GABBR2: variants seen among roughly 807,000 people sequenced by gnomAD.
GABBR2 encodes the protein G-protein coupled receptor 51.
Under a neutral mutation model 105.6 loss-of-function variants are expected in GABBR2, and 23 were observed. The ratio of observed to expected loss-of-function variants is 0.22; its 90% CI spans 0.16 to 0.31. The LOEUF is 0.31. Among genes scored for constraint, GABBR2 ranks in the 10% least tolerant of loss-of-function variants. GABBR2 has a pLI of 1.00. For synonymous variants in GABBR2, 478 were observed against 499.7 expected (o/e 0.96, Z 0.58); for missense variants, 734 against 1,245.5 (o/e 0.59, Z 6.18).
At chr9:98,598,114 C>A (rs1441266376) in intron 1 of GABBR2, among the ~76,000 whole-genome samples, 1 of 152,170 alleles carries the variant, frequency 6.6e-6, no homozygotes, top group South Asian at 2.1e-4. Context: ...TGAGCCACTG[C>A]GCCCAGCCTA....
At chr9:98,361,031 C>T (rs1831572954) in intron 13 of GABBR2, among the ~76,000 whole-genome samples, 1 of 152,206 alleles carries the variant, frequency 6.6e-6, no homozygotes, top group Admixed American at 6.5e-5. Flanking sequence ...CCTGGGCCCT[C>T]AGTCTGCCCA....
intron 2 of GABBR2, among the ~76,000 whole-genome samples, chr9:98,569,902 C>T (rs1221003891): frequency 6.6e-6 from 1 of 152,208 alleles, no homozygotes; most frequent in Non-Finnish European, 1.5e-5. Context: ...CATGTCAGAT[C>T]ACAAAATTTC....
chr9:98,294,977 C>T lies in GABBR2; in HGVS notation c.2543-1075G>A, dbSNP rs1001873285. Among the ~76,000 whole-genome samples the T allele has an allele frequency of 6.0e-4, 92 of 152,274 alleles. 1 individual carries two copies. The highest frequency in any genetic ancestry group is 2.0e-3 in the African/African-American group (83 of 41,546). On this transcript the variant is annotated intron_variant, in intron 17 of 18. Transcript: ENST00000259455. ...TAAAGAAATATAAAAATCAGGTTCC[C>T]ACCCGAGATTTGGATTCATGTGGTC...
chr9:98,449,832 C>T (rs1826201906), intron 7 of GABBR2, among the ~76,000 whole-genome samples: 1 of 152,132 alleles, frequency 6.6e-6, no homozygotes, highest in Non-Finnish European at 1.5e-5. Flanking sequence ...GAGGGCCAAT[C>T]CCAGGGCTGA....
chr9:98,343,870 A>G (rs1047886852), intron 13 of GABBR2, among the ~76,000 whole-genome samples: 3 of 151,908 alleles, frequency 2.0e-5, no homozygotes, highest in African/African-American at 4.8e-5. Flanking sequence ...TAAAAAAAAG[A>G]AAAAAAGAAA....
At chr9:98,611,237 T>C (rs1829501322) in intron 1 of GABBR2, among the ~76,000 whole-genome samples, 1 of 152,190 alleles carries the variant, frequency 6.6e-6, no homozygotes, top group Admixed American at 6.5e-5. Context: ...AGGCCCTCTG[T>C]GGCATGGCCG....
chr9:98,339,419 C>T (rs1261953947), intron 13 of GABBR2, among the ~76,000 whole-genome samples: 1 of 152,110 alleles, frequency 6.6e-6, no homozygotes, highest in Non-Finnish European at 1.5e-5. Context: ...CCACCACAAA[C>T]AACTCAGTGA....
intron 12 of GABBR2, among the ~76,000 whole-genome samples, chr9:98,367,724 G>A (rs559675708): frequency 5.9e-4 from 90 of 152,176 alleles, no homozygotes; most frequent in African/African-American, 1.2e-3. Context: ...GCCGGTTTGC[G>A]GTGCTGTGGT....
intron 11 of GABBR2, among the ~76,000 whole-genome samples, chr9:98,376,341 C>T (rs1226174068): frequency 6.6e-6 from 1 of 152,220 alleles, no homozygotes; most frequent in Non-Finnish European, 1.5e-5. Flanking sequence ...GACTGCTGTG[C>T]TCCGGGTCTC....
intron 13 of GABBR2, among the ~76,000 whole-genome samples, chr9:98,312,848 C>G (rs890998801): frequency 2.0e-4 from 31 of 152,138 alleles, no homozygotes; most frequent in African/African-American, 6.3e-4. Context: ...CTCCTGAGTT[C>G]AAGCAATTCT....
Position 98,394,255 on chromosome 9 carries a change from T to C in GABBR2, c.1298A>G (p.Asp433Gly). 3 of 1,610,800 alleles carry C rather than the reference T, an allele frequency of 1.9e-6. No homozygotes were observed. The highest frequency in any genetic ancestry group is 2.5e-6 in the Non-Finnish European group (3 of 1,176,972). ...MGTIKFTQFQDSREVKVGEYN... is the reference protein window; with the variant it reads ...MGTIKFTQFQGSREVKVGEYN... ...CTCTCCCACCTTCACCTCCCTGCTG[T>C]CTGTGGGGAGCAAAAGACAGTGGCC... Residue 433 changes from aspartate (D) to glycine (G), a missense_variant and splice_region_variant, in exon 9 of 19, where the codon GAC becomes GGC. Around this residue, in one of 7 missense-constraint regions of GABBR2, gnomAD observed 370 missense variants for 648.9 expected, o/e 0.57. Transcript: ENST00000259455.
rs990821534 is a variant in GABBR2 at position 98,306,503 on chromosome 9, C to T, written c.2005-158G>A. The T allele has an allele frequency of 1.2e-5, 8 of 640,882 alleles. No individual in the cohort carries two copies. Among genetic ancestry groups the T allele is most frequent in the Middle Eastern group, 4.1e-4 (1 of 2,464 alleles). 39.7% of individuals were successfully genotyped at this position (640,882 alleles called of 1,614,324 possible). A position where few individuals can be genotyped will look rare whatever the true frequency, so the allele number is the denominator to read the frequency against. ...GTCAGCCGGGTCTTCTGGATGTCAC[C>T]ATCTGTCCCCACTTGTGGCCCTGCT... On this transcript the variant is annotated intron_variant, in intron 14 of 18. Transcript: ENST00000259455. The surrounding 1 kb of genome is among the most constrained non-coding windows in gnomAD (Gnocchi z 5.4).
At chr9:98,492,580 C>T (rs2131665236) in intron 4 of GABBR2, among the ~76,000 whole-genome samples, 1 of 152,092 alleles carries the variant, frequency 6.6e-6, no homozygotes, top group Admixed American at 6.5e-5. Flanking sequence ...TTTTTCTATT[C>T]CTGGATCCCA....
chr9:98,429,355 G>A (rs1825759136), intron 7 of GABBR2, among the ~76,000 whole-genome samples: 1 of 152,028 alleles, frequency 6.6e-6, no homozygotes, highest in Non-Finnish European at 1.5e-5. Context: ...TGGCCAGGCT[G>A]GTCTTGGACT....
At chr9:98,333,488 C>A (rs372780186) in intron 13 of GABBR2, among the ~76,000 whole-genome samples, 8 of 152,222 alleles carry the variant, frequency 5.3e-5, no homozygotes, top group African/African-American at 1.9e-4. Flanking sequence ...TCCCGGTGGC[C>A]CCAGGCATTC....
At chr9:98,634,240 A>C (rs1003047146) in intron 1 of GABBR2, among the ~76,000 whole-genome samples, 8 of 152,228 alleles carry the variant, frequency 5.3e-5, no homozygotes, top group Admixed American at 6.5e-5. Context: ...CTAGCCAAAA[A>C]GAATGTGGAA....
intron 4 of GABBR2, chr9:98,495,851 A>G (rs1349806579): frequency 1.3e-5 from 2 of 152,932 alleles, no homozygotes; most frequent in African/African-American, 4.8e-5. Flanking sequence ...GAGTAACCTG[A>G]GGACAAGGTC....
At chr9:98,672,022 C>T (rs1362611811) in intron 1 of GABBR2, among the ~76,000 whole-genome samples, 1 of 152,020 alleles carries the variant, frequency 6.6e-6, no homozygotes, top group Non-Finnish European at 1.5e-5. Flanking sequence ...GGTGCTCTCA[C>T]CAAGAGAACC....
In GABBR2 at chr9:98,473,880, A is replaced by C. The variant is rs187926881; in HGVS notation, c.799-534T>G. On this transcript the variant is annotated intron_variant, in intron 5 of 18. Coordinates refer to ENST00000259455, the MANE Select transcript of GABBR2 (RefSeq NM_005458.8). ...ACAACAAAGAGATTTCATAAAGCTA[A>C]TTTTTGTATAGATCTTTACTAAAAG... Among the ~76,000 whole-genome samples the C allele has an allele frequency of 5.9e-5, 9 of 152,318 alleles. No individual in the cohort carries two copies. In the East Asian group the frequency reaches 1.5e-3, roughly 26 times the overall value.
Sources: gnomAD v4.1 joint callset for allele counts (sites outside exome capture counted in the v4.1 genomes callset) on GRCh38, gnomAD v4.1.1 for gene constraint, gnomAD v4.1.1 regional missense constraint, Gnocchi (gnomAD v3.1) non-coding constraint, MANE v1.5 for transcripts, NCBI Gene and HGNC (gene_info 2026-07-23, HGNC 2026-07-21) for gene names.